MINAR1: variants seen among roughly 807,000 people sequenced by gnomAD.
MINAR1 encodes the protein major intrinsically disordered Notch2-binding receptor 1.
In MINAR1, 40 loss-of-function variants were observed where a neutral mutation model predicts 65.1. The ratio of observed to expected loss-of-function variants is 0.61; its 90% CI spans 0.48 to 0.80. The LOEUF is 0.80. MINAR1 is among the 30% of genes least tolerant of loss of function. MINAR1 has a pLI of 0.00. For missense variants in MINAR1, 1,128 were observed against 1,148.0 expected (o/e 0.98, Z 0.25); for synonymous variants, 482 against 449.1 (o/e 1.07, Z -0.93).
chr15:79,461,760 T>A (rs1296129761), intron 2 of MINAR1, among the ~76,000 whole-genome samples: 1 of 151,346 alleles, frequency 6.6e-6, no homozygotes, highest in Non-Finnish European at 1.5e-5. Flanking sequence ...ACCCACACAC[T>A]CACACATGTA....
Position 79,470,509 on chromosome 15 carries a change from G to C in MINAR1, c.*2125G>C, listed in dbSNP as rs1896040405. 1 of 148,210 alleles carries C rather than the reference G, an allele frequency of 6.7e-6. No individual in the cohort carries two copies. The highest frequency in any genetic ancestry group is 6.6e-5 in the Admixed American group (1 of 15,182). 9.2% of individuals were successfully genotyped at this position (148,210 alleles called of 1,614,324 possible). ...CCCCAAATCTTCCATTTAACAGGTA[G>C]GACCATCGAGGCTGGACCAAACCAC... is the stretch of plus-strand genomic sequence containing the variant. On this transcript the variant is annotated 3_prime_UTR_variant, in exon 4 of 4. Transcript: ENST00000305428.
At chr15:79,440,112 C>T (rs1408127543) in intron 1 of MINAR1, among the ~76,000 whole-genome samples, 1 of 152,148 alleles carries the variant, frequency 6.6e-6, no homozygotes, top group Non-Finnish European at 1.5e-5. Context: ...TTAGCCGTCA[C>T]TGCATCCACT....
chr15:79,461,014 G>A (rs555862414), intron 2 of MINAR1, among the ~76,000 whole-genome samples: 35 of 152,226 alleles, frequency 2.3e-4, no homozygotes, highest in South Asian at 8.3e-4. Context: ...CTATGCTCCC[G>A]TCAAGGCCCC....
chr15:79,443,307 G>C (rs550525049), intron 1 of MINAR1, among the ~76,000 whole-genome samples: 26 of 152,316 alleles, frequency 1.7e-4, no homozygotes, highest in African/African-American at 6.0e-4. Flanking sequence ...AGTAGAATCT[G>C]TGCCTGGTCC....
chr15:79,456,695 A>C lies in MINAR1; in HGVS notation c.548A>C (p.Lys183Thr). The change falls in exon 2 of 4, where the codon AAA becomes ACA. Residue 183 changes from lysine (K) to threonine (T), a missense_variant. Coordinates refer to ENST00000305428, the MANE Select transcript of MINAR1 (RefSeq NM_015206.3). ...SEPNFLLGVS[K>T]EVKNRAASLD... Reference sequence around the variant, plus strand: ...CCTAACTTCCTGTTGGGAGTTAGCAAAGAGGTGAAAAACCGCGCCGCTTCC... The same window carrying C: ...CCTAACTTCCTGTTGGGAGTTAGCACAGAGGTGAAAAACCGCGCCGCTTCC... 1 of 1,614,176 alleles carries C rather than the reference A, an allele frequency of 6.2e-7. No homozygotes were observed. Among genetic ancestry groups the C allele is most frequent in the Non-Finnish European group, 8.5e-7 (1 of 1,180,020 alleles).
chr15:79,445,082 A>G (rs553752684), intron 1 of MINAR1, among the ~76,000 whole-genome samples: 1 of 152,198 alleles, frequency 6.6e-6, no homozygotes, highest in South Asian at 2.1e-4. Flanking sequence ...CGATATGTTC[A>G]GGATTATTTT....
At chr15:79,458,483 T>G (rs764620366) in intron 2 of MINAR1, 38 bp downstream of exon 2, 2 of 1,588,162 alleles carry the variant, frequency 1.3e-6, no homozygotes, top group South Asian at 2.3e-5. Context: ...GGGCACCAGC[T>G]TCATCATAGC....
At chr15:79,465,804 G>T (rs975516630) in intron 3 of MINAR1, among the ~76,000 whole-genome samples, 2 of 151,852 alleles carry the variant, frequency 1.3e-5, no homozygotes, top group African/African-American at 2.4e-5. Flanking sequence ...GCCTTTAGGG[G>T]TGCCTCAGCC....
intron 1 of MINAR1, among the ~76,000 whole-genome samples, chr15:79,446,199 A>G (rs1279830015): frequency 6.7e-6 from 1 of 148,314 alleles, no homozygotes; most frequent in African/African-American, 2.6e-5. Flanking sequence ...TTGACTTAAA[A>G]TTTAAATTTA....
Position 79,458,464 on chromosome 15 carries a change from C to T in MINAR1, c.2298+19C>T. 1 of 1,601,960 alleles carries T rather than the reference C, an allele frequency of 6.2e-7. No homozygotes were observed. The highest frequency in any genetic ancestry group is 8.5e-7 in the Non-Finnish European group (1 of 1,173,376). On this transcript the variant is annotated intron_variant, in intron 2 of 3. Transcript: ENST00000305428. ...TAAAGAGGTAATTTAAATTTAAGTT[C>T]ACATAATCGGGCACCAGCTTCATCA... is the stretch of plus-strand genomic sequence containing the variant.
At chr15:79,459,240 T>C (rs758486446) in intron 2 of MINAR1, among the ~76,000 whole-genome samples, 30 of 152,218 alleles carry the variant, frequency 2.0e-4, no homozygotes, top group Non-Finnish European at 4.1e-4. Flanking sequence ...ACTCTTAATC[T>C]GGTGTCTTTC....
chr15:79,459,372 A>G (rs1056668939), intron 2 of MINAR1, among the ~76,000 whole-genome samples: 3 of 152,176 alleles, frequency 2.0e-5, no homozygotes, highest in Non-Finnish European at 4.4e-5. Context: ...TTGTGCACAC[A>G]TACACTTGAA....
At chr15:79,449,511 A>AAAAGGGCAAAAGGG (rs375902875) in intron 1 of MINAR1, among the ~76,000 whole-genome samples, 1 of 151,890 alleles carries the variant, frequency 6.6e-6, no homozygotes, top group Non-Finnish European at 1.5e-5. Context: ...TCTTCACATA[A>AAAAGGGCAAAAGGG]CAAAAGGGCA....
intron 1 of MINAR1, among the ~76,000 whole-genome samples, chr15:79,454,821 T>C (rs2141291701): frequency 6.6e-6 from 1 of 152,304 alleles, no homozygotes; most frequent in South Asian, 2.1e-4. Flanking sequence ...ATTCTAGTTC[T>C]TTATAGGGTC....
chr15:79,433,377 T>C (rs1428631277), intron 1 of MINAR1, among the ~76,000 whole-genome samples: 2 of 152,198 alleles, frequency 1.3e-5, no homozygotes, highest in African/African-American at 4.8e-5. Context: ...GCAGGGAAGA[T>C]AAGGTTGTGT....
chr15:79,458,026 C>G lies in MINAR1; in HGVS notation c.1879C>G (p.Leu627Val), dbSNP rs138135107. ...TGAAATCTCCCAGGTCTTGGGCAAA[C>G]TAAATAAATTGGACCAGAAAATGCA... ...RDEISQVLGK[L>V]NKLDQKMQQP... Residue 627 changes from leucine to valine, a missense_variant, in exon 2 of 4, where the codon CTA becomes GTA. By Grantham distance (32) the Leu-to-Val change is conservative (BLOSUM62 1). Coordinates refer to ENST00000305428, the MANE Select transcript of MINAR1 (RefSeq NM_015206.3). The G allele has an allele frequency of 6.2e-6, 10 of 1,614,022 alleles. No homozygotes were observed. Among genetic ancestry groups the G allele is most frequent in the Non-Finnish European group, 8.5e-6 (10 of 1,180,036 alleles).
At chr15:79,454,909 G>A (rs113901080) in intron 1 of MINAR1, among the ~76,000 whole-genome samples, 7 of 132,020 alleles carry the variant, frequency 5.3e-5, no homozygotes, top group Non-Finnish European at 8.4e-5. Context: ...TTCATTGTAC[G>A]TACATTTTAC....
At chr15:79,439,615 A>T (rs1313040477) in intron 1 of MINAR1, among the ~76,000 whole-genome samples, 1 of 151,774 alleles carries the variant, frequency 6.6e-6, no homozygotes, top group Non-Finnish European at 1.5e-5. Flanking sequence ...TGTTTGTGCC[A>T]ATGACATCGG....
At chr15:79,453,293 A>G (rs1297558343) in intron 1 of MINAR1, among the ~76,000 whole-genome samples, 1 of 151,994 alleles carries the variant, frequency 6.6e-6, no homozygotes, top group Non-Finnish European at 1.5e-5. Flanking sequence ...CTGGCATGCG[A>G]TTGAGCCTAG....
Sources: allele counts gnomAD v4.1 joint callset (sites outside exome capture counted in the v4.1 genomes callset), GRCh38; gene constraint gnomAD v4.1.1; transcripts MANE v1.5; gene names NCBI Gene and HGNC (gene_info 2026-07-23, HGNC 2026-07-21).